RUNX1T1: variants seen among roughly 807,000 people sequenced by gnomAD.
The protein encoded by RUNX1T1 is RUNX1 partner transcriptional co-repressor 1.
Under a neutral mutation model 62.8 loss-of-function variants are expected in RUNX1T1, and 4 were observed. The ratio of observed to expected loss-of-function variants is 0.06; its 90% CI spans 0.03 to 0.15. The LOEUF is 0.15. Ranked by LOEUF, RUNX1T1 falls within the 10% of genes least tolerant of loss-of-function variation. RUNX1T1 has a pLI of 1.00. For missense variants in RUNX1T1, 508 were observed against 754.3 expected, an observed-to-expected ratio of 0.67 and a Z score of 3.82; for synonymous variants, 291 against 286.0, an observed-to-expected ratio of 1.02 and a Z score of -0.18.
At chr8:91,998,922 G>C (rs1168961716) in intron 5 of RUNX1T1, among the ~76,000 whole-genome samples, 2 of 152,170 alleles carry the variant, frequency 1.3e-5, no homozygotes, top group African/African-American at 4.8e-5. Flanking sequence ...GCCTGGAAGA[G>C]AGACCATTTA....
At chr8:92,044,285 T>C (rs1386012635) in intron 1 of RUNX1T1, among the ~76,000 whole-genome samples, 2 of 152,196 alleles carry the variant, frequency 1.3e-5, no homozygotes, top group Non-Finnish European at 2.9e-5. Flanking sequence ...AGCCAAAATT[T>C]AGTCACTCTG....
intron 5 of RUNX1T1, chr8:91,994,675 T>C: frequency 2.1e-6 from 1 of 487,230 alleles, no homozygotes; most frequent in Non-Finnish European, 4.0e-6. Context: ...CTGTGCCACC[T>C]GAGGTGCTGA....
At chr8:92,094,828 CAA>C (rs1158071427) in intron 1 of RUNX1T1, among the ~76,000 whole-genome samples, 1 of 152,110 alleles carries the variant, frequency 6.6e-6, no homozygotes, top group Non-Finnish European at 1.5e-5. Flanking sequence ...TTCCTTCCAC[CAA>C]AAGAGAGACA....
chr8:92,076,117 C>G (rs1834380463), exon 2 of RUNX1T1: 4 of 1,565,090 alleles, frequency 2.6e-6, no homozygotes, highest in Non-Finnish European at 3.4e-6. Context: ...TTATGTTCAC[C>G]AGCCCAGAGA....
chr8:91,976,536 A>C (rs1225698944), intron 8 of RUNX1T1, among the ~76,000 whole-genome samples: 5 of 152,232 alleles, frequency 3.3e-5, no homozygotes, highest in African/African-American at 1.2e-4. Flanking sequence ...GAAAGCCAGA[A>C]AGACTCATCA....
chr8:91,991,730 G>A (rs2130882078), exon 6 of RUNX1T1: 1 of 1,614,116 alleles, frequency 6.2e-7, no homozygotes. Context: ...CATCCAAACG[G>A]TAATGCTGAG....
At chr8:92,058,189 C>T (rs928176330) in intron 1 of RUNX1T1, among the ~76,000 whole-genome samples, 1 of 152,130 alleles carries the variant, frequency 6.6e-6, no homozygotes, top group Non-Finnish European at 1.5e-5. Flanking sequence ...CATGGAGGGA[C>T]TGAATCATGG....
At chr8:92,051,411 T>A (rs904263429) in intron 1 of RUNX1T1, among the ~76,000 whole-genome samples, 1 of 151,960 alleles carries the variant, frequency 6.6e-6, no homozygotes. Context: ...AATAACAAAG[T>A]AGTACATGGT....
chr8:91,997,539 C>T (rs899720113), intron 5 of RUNX1T1, among the ~76,000 whole-genome samples: 1 of 152,188 alleles, frequency 6.6e-6, no homozygotes, highest in Admixed American at 6.5e-5. Context: ...AGACATTTCA[C>T]AAGTCCAAAC....
chr8:92,084,938 G>A (rs757348343), intron 1 of RUNX1T1, among the ~76,000 whole-genome samples: 1 of 152,212 alleles, frequency 6.6e-6, no homozygotes, highest in Non-Finnish European at 1.5e-5. Context: ...GCCAAAGAGA[G>A]ACTACTGGGG....
At chr8:92,044,480 A>C (rs902694347) in intron 1 of RUNX1T1, among the ~76,000 whole-genome samples, 2 of 152,220 alleles carry the variant, frequency 1.3e-5, no homozygotes, top group East Asian at 3.9e-4. Flanking sequence ...TGTCTCAATC[A>C]GTCTATCCAA....
chr8:92,045,816 A>C (rs1829293528), intron 1 of RUNX1T1, among the ~76,000 whole-genome samples: 1 of 152,234 alleles, frequency 6.6e-6, no homozygotes, highest in African/African-American at 2.4e-5. Context: ...TCCCAGAATC[A>C]GTACTCAAAT....
rs571538086 is a variant in RUNX1T1 at position 92,008,425 on chromosome 8, C to T, written c.477+2577G>A. The stretch of plus-strand genomic sequence containing the variant: ...ACACACACACACACACACACACACA[C>T]ACACGAGACTATGTGCCATTCTGTA... On this transcript the variant is annotated intron_variant, in intron 4 of 10. Transcript: ENST00000396218. Among the ~76,000 whole-genome samples, 5 of 148,690 alleles carry T rather than the reference C, an allele frequency of 3.4e-5. No individual in the cohort carries two copies. The South Asian group carries it at 1.1e-3, about 32-fold the overall frequency.
At chr8:92,012,369 T>C (rs1321177288) in intron 3 of RUNX1T1, among the ~76,000 whole-genome samples, 1 of 151,926 alleles carries the variant, frequency 6.6e-6, no homozygotes, top group East Asian at 1.9e-4. Context: ...CAAAGTGAGA[T>C]GATGTCACAA....
intron 1 of RUNX1T1, among the ~76,000 whole-genome samples, chr8:92,081,477 C>T (rs1463382652): frequency 6.7e-6 from 1 of 149,452 alleles, no homozygotes; most frequent in East Asian, 1.9e-4. Context: ...TGGAATTAAG[C>T]TGCAGGCTCT....
At chr8:92,035,032 G>T (rs1185400246) in intron 1 of RUNX1T1, among the ~76,000 whole-genome samples, 1 of 152,030 alleles carries the variant, frequency 6.6e-6, no homozygotes. Flanking sequence ...AGTGGCTCAT[G>T]CCCTGTAATC....
intron 5 of RUNX1T1, among the ~76,000 whole-genome samples, chr8:91,994,950 A>C (rs139558538): frequency 7.0e-4 from 107 of 152,356 alleles, no homozygotes; most frequent in Non-Finnish European, 1.3e-3. Context: ...CAAAACACAC[A>C]GTGCTGATAG....
intron 5 of RUNX1T1, among the ~76,000 whole-genome samples, chr8:91,992,864 T>A (rs1040496643): frequency 1.3e-5 from 2 of 152,208 alleles, no homozygotes; most frequent in Non-Finnish European, 2.9e-5. Flanking sequence ...TGATAACTAG[T>A]CACGATTCCT....
intron 1 of RUNX1T1, among the ~76,000 whole-genome samples, chr8:92,037,496 G>A (rs1051417260): frequency 1.3e-5 from 2 of 152,140 alleles, no homozygotes; most frequent in African/African-American, 4.8e-5. Flanking sequence ...TGGCCAACAT[G>A]GCGAAACCCT....
Sources: gnomAD v4.1 joint callset for allele counts (sites outside exome capture counted in the v4.1 genomes callset) on GRCh38, gnomAD v4.1.1 for gene constraint, MANE v1.5 for transcripts, NCBI Gene and HGNC (gene_info 2026-07-23, HGNC 2026-07-21) for gene names.